NDUFS6: variants seen among roughly 807,000 people sequenced by gnomAD.
NDUFS6 encodes the protein NADH:ubiquinone oxidoreductase subunit S6.
Under a neutral mutation model 13.2 loss-of-function variants are expected in NDUFS6, and 14 were observed. That is an observed-to-expected ratio of 1.06 (90% CI 0.70 to 1.66). The LOEUF is 1.66. NDUFS6 is among the 40% of genes most tolerant of loss of function. NDUFS6 has a pLI of 0.00. For missense variants in NDUFS6, 206 were observed against 170.8 expected, an observed-to-expected ratio of 1.21 and a Z score of -1.15; for synonymous variants, 95 against 72.3, an observed-to-expected ratio of 1.31 and a Z score of -1.60.
At chr5:1,804,318 G>A (rs954343910) in intron 2 of NDUFS6, among the ~76,000 whole-genome samples, 3 of 152,238 alleles carry the variant, frequency 2.0e-5, no homozygotes, top group Non-Finnish European at 4.4e-5. Flanking sequence ...AACATTCTTT[G>A]TGTAGCTTCT....
chr5:1,813,903 T>A (rs1035962466), intron 2 of NDUFS6, among the ~76,000 whole-genome samples: 1 of 152,242 alleles, frequency 6.6e-6, no homozygotes, highest in Non-Finnish European at 1.5e-5. Flanking sequence ...ATCGGTATCA[T>A]GTTTACTGAG....
Position 1,807,460 on chromosome 5 carries a change from A to G in NDUFS6, c.186+5086A>G, listed in dbSNP as rs74867515. 2.0e-5 allele frequency among the ~76,000 whole-genome samples: 3 copies of G among 152,186 alleles called. No homozygotes were observed. In the East Asian group the frequency reaches 5.8e-4, roughly 29 times the overall value. Reference sequence around the variant, plus strand: ...TGTATTTTACCACAATTAAAAAAAAATTAAGAGGGAAGTGGCTTCAGGCCC... The same window carrying G: ...TGTATTTTACCACAATTAAAAAAAAGTTAAGAGGGAAGTGGCTTCAGGCCC... On this transcript the variant is annotated intron_variant, in intron 2 of 3. Coordinates refer to ENST00000274137, the MANE Select transcript of NDUFS6 (RefSeq NM_004553.6).
In NDUFS6 at chr5:1,814,847, C is replaced by G. The variant is rs113262730; in HGVS notation, c.309+386C>G. 12 of 615,824 alleles carry G rather than the reference C, an allele frequency of 1.9e-5. No homozygotes were observed. Among genetic ancestry groups the G allele is most frequent in the Non-Finnish European group, 2.9e-5 (10 of 345,792 alleles). 38.1% of individuals were successfully genotyped at this position (615,824 alleles called of 1,614,324 possible). On this transcript the variant is annotated intron_variant, in intron 3 of 3. Transcript: ENST00000274137. This position sits in a 1 kb window ranked among gnomAD's most constrained non-coding sequence, Gnocchi z 4.9. ...AGGCTGCAGCCCAAGACCACCGTGC[C>G]GCTCTGTGGGTTCCTCCTGGGGCCT...
At chr5:1,805,616 A>G (rs1734111100) in intron 2 of NDUFS6, among the ~76,000 whole-genome samples, 1 of 152,244 alleles carries the variant, frequency 6.6e-6, no homozygotes, top group Non-Finnish European at 1.5e-5. Context: ...CTGGGGCCAC[A>G]TAAGTCAGAT....
chr5:1,812,588 A>T (rs1734234808), intron 2 of NDUFS6, among the ~76,000 whole-genome samples: 1 of 124,698 alleles, frequency 8.0e-6, no homozygotes, highest in Non-Finnish European at 1.8e-5. Flanking sequence ...GCCACAGTAG[A>T]GTGTCTGAAG....
At chr5:1,806,820 A>G (rs866346492) in intron 2 of NDUFS6, among the ~76,000 whole-genome samples, 8 of 152,228 alleles carry the variant, frequency 5.3e-5, no homozygotes, top group Admixed American at 2.6e-4. Context: ...TGTGCCCAAA[A>G]GAACTGAAAG....
intron 1 of NDUFS6, 60 bp from the exon 2 acceptor site, chr5:1,802,261 T>C (rs1734057933): frequency 2.1e-6 from 3 of 1,435,612 alleles, no homozygotes; most frequent in Admixed American, 3.4e-5. Context: ...ATGATTGATA[T>C]GAAGTGACTT....
In NDUFS6 at chr5:1,814,606, C is replaced by T. The variant is rs1215190185; in HGVS notation, c.309+145C>T. The T allele has an allele frequency of 8.1e-7, 1 of 1,229,308 alleles. No individual in the cohort carries two copies. The highest frequency in any genetic ancestry group is 1.2e-6 in the Non-Finnish European group (1 of 862,940). 76.2% of individuals were successfully genotyped at this position (1,229,308 alleles called of 1,614,324 possible). A position where few individuals can be genotyped will look rare whatever the true frequency, so the allele number is the denominator to read the frequency against. ...GGGGTTCACACTGCTGGCACATTCA[C>T]CCTACAGCGCCACACTACAGGGCCT... On this transcript the variant is annotated intron_variant, in intron 3 of 3. Coordinates refer to ENST00000274137, the MANE Select transcript of NDUFS6 (RefSeq NM_004553.6). The surrounding 1 kb of genome is among the most constrained non-coding windows in gnomAD (Gnocchi z 4.9).
At chr5:1,802,194 T>C in intron 1 of NDUFS6, 127 bp from the exon 2 acceptor site, 1 of 861,386 alleles carries the variant, frequency 1.2e-6, no homozygotes, top group African/African-American at 1.7e-5. Flanking sequence ...ACTGTGCACT[T>C]GTTTGACTTT....
chr5:1,813,406 C>T (rs529744706), intron 2 of NDUFS6, among the ~76,000 whole-genome samples: 10 of 152,180 alleles, frequency 6.6e-5, no homozygotes, highest in Non-Finnish European at 1.3e-4. Flanking sequence ...ATCGTGCTCG[C>T]GTCCTCCTTC....
chr5:1,811,007 C>T (rs1040611441), intron 2 of NDUFS6, among the ~76,000 whole-genome samples: 1 of 152,156 alleles, frequency 6.6e-6, no homozygotes, highest in Non-Finnish European at 1.5e-5. Flanking sequence ...GCCTGCTCTA[C>T]GTGAAGATGA....
chr5:1,808,187 C>T (rs1734157410), intron 2 of NDUFS6, among the ~76,000 whole-genome samples: 1 of 152,158 alleles, frequency 6.6e-6, no homozygotes, highest in Non-Finnish European at 1.5e-5. Flanking sequence ...GGAGGTTTGC[C>T]TGAGTCTCTC....
intron 2 of NDUFS6, among the ~76,000 whole-genome samples, chr5:1,803,000 A>G (rs539703440): frequency 2.6e-5 from 4 of 151,984 alleles, no homozygotes. Context: ...TGCCTCCATG[A>G]TTCCTGAATT....
At chr5:1,815,826 C>T (rs748143517) in intron 3 of NDUFS6, 25 bp from the exon 4 acceptor site, 2 of 1,609,344 alleles carry the variant, frequency 1.2e-6, no homozygotes, top group South Asian at 2.2e-5. Context: ...GGAAATATGA[C>T]ATCATTCCTT....
Position 1,804,089 on chromosome 5 carries a change from T to G in NDUFS6, c.186+1715T>G, listed in dbSNP as rs368436562. On this transcript the variant is annotated intron_variant, in intron 2 of 3. Transcript: ENST00000274137. Reference sequence around the variant, plus strand: ...TTCCTGGGCATCGATGGGTGGTTGTTACTGAGGTAGTGGCTGGACTCTACA... The same window carrying G: ...TTCCTGGGCATCGATGGGTGGTTGTGACTGAGGTAGTGGCTGGACTCTACA... Among the ~76,000 whole-genome samples, 4 of 152,304 alleles carry G rather than the reference T, an allele frequency of 2.6e-5. No individual in the cohort carries two copies. In the South Asian group the frequency reaches 8.3e-4, roughly 32 times the overall value.
At chr5:1,809,258 G>A (rs985596790) in intron 2 of NDUFS6, among the ~76,000 whole-genome samples, 6 of 152,306 alleles carry the variant, frequency 3.9e-5, no homozygotes, top group East Asian at 1.9e-4. Context: ...AAGAGATGGC[G>A]TGCGGGCTGC....
chr5:1,804,698 T>A (rs1192344319), intron 2 of NDUFS6, among the ~76,000 whole-genome samples: 4 of 152,228 alleles, frequency 2.6e-5, no homozygotes, highest in Non-Finnish European at 5.9e-5. Context: ...TTTGGAACAC[T>A]TTTAGATTTA....
chr5:1,806,825 T>A (rs1734130358), intron 2 of NDUFS6, among the ~76,000 whole-genome samples: 1 of 152,164 alleles, frequency 6.6e-6, no homozygotes, highest in Non-Finnish European at 1.5e-5. Context: ...CCAAAAGAAC[T>A]GAAAGCGGGG....
intron 2 of NDUFS6, among the ~76,000 whole-genome samples, chr5:1,809,820 C>T (rs1430700500): frequency 1.3e-5 from 2 of 152,244 alleles, no homozygotes; most frequent in African/African-American, 4.8e-5. Context: ...CTCTGTAAGG[C>T]GCTGCGACAA....
Sources: allele counts gnomAD v4.1 joint callset (sites outside exome capture counted in the v4.1 genomes callset), GRCh38; gene constraint gnomAD v4.1.1; non-coding constraint Gnocchi (gnomAD v3.1); transcripts MANE v1.5; gene names NCBI Gene and HGNC (gene_info 2026-07-23, HGNC 2026-07-21).